The following FOXN3 variants were observed in gnomAD, a reference collection of about 807,000 sequenced individuals.
The protein encoded by FOXN3 is forkhead box N3.
In FOXN3, 7 loss-of-function variants were observed where a neutral mutation model predicts 38.4. The observed-to-expected ratio is 0.18, with a 90% CI of 0.10 to 0.34. The LOEUF (loss-of-function observed/expected upper bound fraction) is 0.34. Among genes scored for constraint, FOXN3 ranks in the 10% least tolerant of loss-of-function variants. The probability of loss-of-function intolerance (pLI) is 1.00; values close to 1 mark genes in which losing one functional copy is unlikely to be tolerated. For synonymous variants in FOXN3, 230 were observed against 242.2 expected (o/e 0.95, Z 0.47); for missense variants, 456 against 613.4 (o/e 0.74, Z 2.71).
At chr14:89,317,717 G>A (rs1175859193) in intron 3 of FOXN3, among the ~76,000 whole-genome samples, 1 of 151,758 alleles carries the variant, frequency 6.6e-6, no homozygotes, top group Non-Finnish European at 1.5e-5. Context: ...CCCCCCCATA[G>A]AAATCCCTCC....
At chr14:89,540,737 CA>C (rs34410482) in intron 1 of FOXN3, among the ~76,000 whole-genome samples, 22,611 of 90,996 alleles carry the variant, frequency 0.25, 1,450 homozygotes, top group Middle Eastern at 0.37. Context: ...GACTATGTCT[CA>C]AAAAAAAAAA....
chr14:89,544,448 T>C lies in FOXN3; in HGVS notation c.-15+74580A>G, dbSNP rs1043991250. Among the ~76,000 whole-genome samples the C allele has an allele frequency of 2.6e-5, 4 of 152,220 alleles. No homozygotes were observed. The South Asian group carries it at 8.3e-4, about 32-fold the overall frequency. ...CTCTGGGCTAGAATTTAGCCACAAT[T>C]ATTTAGCAAAATCTCCTTTTGCTAA... On this transcript the variant is annotated intron_variant, in intron 1 of 6. Coordinates refer to the FOXN3 transcript ENST00000345097.
Position 89,548,501 on chromosome 14 carries a change from T to TA in FOXN3, c.-15+70526dup, listed in dbSNP as rs1353757285. On this transcript the variant is annotated intron_variant, in intron 1 of 6. Transcript: ENST00000345097. This position sits in a 1 kb window ranked among gnomAD's most constrained non-coding sequence, Gnocchi z 4.8. ...GACTCTAGGACACCAACAATTTACT[T>TA]AAACACTAGACTTCTATTCTTAATT... 1.3e-5 allele frequency among the ~76,000 whole-genome samples: 2 copies of TA among 152,220 alleles called. No individual in the cohort carries two copies.
chr14:89,466,526 G>A (rs548214325), intron 1 of FOXN3, among the ~76,000 whole-genome samples: 24 of 152,116 alleles, frequency 1.6e-4, no homozygotes, highest in Non-Finnish European at 3.1e-4. Context: ...TCCTAATTCA[G>A]GGCCCATTCT....
chr14:89,315,509 A>G (rs548809922), intron 3 of FOXN3, among the ~76,000 whole-genome samples: 1 of 152,086 alleles, frequency 6.6e-6, no homozygotes, highest in African/African-American at 2.4e-5. Context: ...CATGTCTTTG[A>G]TTCTCCCCCT....
At chr14:89,552,598 C>A (rs1252005503) in intron 1 of FOXN3, among the ~76,000 whole-genome samples, 2 of 152,182 alleles carry the variant, frequency 1.3e-5, no homozygotes, top group African/African-American at 4.8e-5. Flanking sequence ...GTGGCTCACA[C>A]CTGTAATCCC....
intron 5 of FOXN3, among the ~76,000 whole-genome samples, chr14:89,173,115 G>T (rs1566920793): frequency 6.6e-6 from 1 of 151,828 alleles, no homozygotes; most frequent in Non-Finnish European, 1.5e-5. Context: ...ATGAAGAGAA[G>T]AAAAAAGGGA....
intron 1 of FOXN3, among the ~76,000 whole-genome samples, chr14:89,433,205 T>C (rs1892199119): frequency 6.6e-6 from 1 of 151,748 alleles, no homozygotes; most frequent in African/African-American, 2.4e-5. Context: ...CAAAAATTGC[T>C]GGGCACGGTG....
chr14:89,213,369 T>C (rs185344723), intron 4 of FOXN3, among the ~76,000 whole-genome samples: 26 of 152,348 alleles, frequency 1.7e-4, no homozygotes, highest in Non-Finnish European at 1.5e-5. Flanking sequence ...TTCACTGGTA[T>C]GTGTACTTAT....
intron 1 of FOXN3, among the ~76,000 whole-genome samples, chr14:89,562,819 G>T (rs911296673): frequency 1.3e-5 from 2 of 152,210 alleles, no homozygotes; most frequent in African/African-American, 4.8e-5. Flanking sequence ...ACTTTTGAAT[G>T]ATGACATCTG....
intron 5 of FOXN3, among the ~76,000 whole-genome samples, chr14:89,173,048 A>G (rs1887430726): frequency 6.6e-6 from 1 of 152,338 alleles, no homozygotes; most frequent in Admixed American, 6.5e-5. Flanking sequence ...AACTTAGAAA[A>G]TCTGCAACAT....
chr14:89,602,113 A>G (rs1398478055), intron 1 of FOXN3, among the ~76,000 whole-genome samples: 6 of 152,108 alleles, frequency 3.9e-5, no homozygotes, highest in Non-Finnish European at 7.4e-5. Flanking sequence ...ACATGGAGAA[A>G]GCCCATCTCC....
At chr14:89,443,189 AAT>A (rs1892422626) in intron 1 of FOXN3, among the ~76,000 whole-genome samples, 1 of 152,226 alleles carries the variant, frequency 6.6e-6, no homozygotes, top group South Asian at 2.1e-4. Flanking sequence ...CATGACAAAT[AAT>A]TAGCTAATAC....
chr14:89,562,146 G>T (rs7154015), intron 1 of FOXN3, among the ~76,000 whole-genome samples: 12,569 of 152,150 alleles, frequency 0.083, 1,417 homozygotes, highest in African/African-American at 0.26. Flanking sequence ...TGGCAAATTT[G>T]GGTACGTGTG....
intron 4 of FOXN3, chr14:89,190,590 A>C: frequency 3.3e-6 from 2 of 605,098 alleles, no homozygotes; most frequent in Non-Finnish European, 5.8e-6. Flanking sequence ...CCCAAAGGCG[A>C]CTTTCTTCCC....
chr14:89,217,929 G>C (rs1394639746), intron 4 of FOXN3, among the ~76,000 whole-genome samples: 1 of 152,196 alleles, frequency 6.6e-6, no homozygotes, highest in Non-Finnish European at 1.5e-5. Context: ...AAAATGAACC[G>C]AACATCTGTA....
intron 4 of FOXN3, among the ~76,000 whole-genome samples, chr14:89,182,442 A>G (rs558711112): frequency 6.6e-6 from 1 of 152,328 alleles, no homozygotes; most frequent in South Asian, 2.1e-4. Context: ...CAGTACTACT[A>G]TTACAGTCCA....
At chr14:89,177,650 T>A (rs1271534983) in intron 5 of FOXN3, among the ~76,000 whole-genome samples, 1 of 151,816 alleles carries the variant, frequency 6.6e-6, no homozygotes, top group African/African-American at 2.4e-5. Context: ...TGGAGAAAGA[T>A]AGAACTGGCT....
At chr14:89,521,130 T>C (rs1042355443) in intron 1 of FOXN3, among the ~76,000 whole-genome samples, 1 of 152,004 alleles carries the variant, frequency 6.6e-6, no homozygotes, top group Non-Finnish European at 1.5e-5. Context: ...GCCAACGTGG[T>C]GAAACCCCGT....
Sources: allele counts gnomAD v4.1 joint callset (sites outside exome capture counted in the v4.1 genomes callset), GRCh38; gene constraint gnomAD v4.1.1; non-coding constraint Gnocchi (gnomAD v3.1); transcripts MANE v1.5; gene names NCBI Gene and HGNC (gene_info 2026-07-23, HGNC 2026-07-21).